The following KIAA0753 variants were observed in gnomAD, a reference collection of about 807,000 sequenced individuals.
The protein encoded by KIAA0753 is KIAA0753.
In KIAA0753, 114 loss-of-function variants were observed where a neutral mutation model predicts 116.9. The ratio of observed to expected loss-of-function variants is 0.98; its 90% CI spans 0.84 to 1.14. The LOEUF (loss-of-function observed/expected upper bound fraction) is 1.14. KIAA0753 is among the 50% of genes most tolerant of loss of function. KIAA0753 has a pLI of 0.00. For missense variants in KIAA0753, 1,156 were observed against 1,172.4 expected (o/e 0.99, Z 0.20); for synonymous variants, 405 against 413.1 (o/e 0.98, Z 0.24).
chr17:6,581,746 T>A (rs1968195003), intron 18 of KIAA0753, among the ~76,000 whole-genome samples: 1 of 152,274 alleles, frequency 6.6e-6, no homozygotes. Context: ...TCCATTACTA[T>A]TATTACATAT....
At chr17:6,609,275 C>T (rs1232273738) in intron 9 of KIAA0753, among the ~76,000 whole-genome samples, 1 of 152,242 alleles carries the variant, frequency 6.6e-6, no homozygotes, top group African/African-American at 2.4e-5. Flanking sequence ...TTACTTCTTT[C>T]CTTTTTCTGT....
chr17:6,595,563 C>T (rs943867841), intron 15 of KIAA0753, among the ~76,000 whole-genome samples: 3 of 152,106 alleles, frequency 2.0e-5, no homozygotes, highest in Admixed American at 6.5e-5. Flanking sequence ...AATCATGGTG[C>T]GATGGAAAAG....
chr17:6,593,754 C>T (rs1288301463), intron 16 of KIAA0753, among the ~76,000 whole-genome samples: 1 of 152,196 alleles, frequency 6.6e-6, no homozygotes, highest in East Asian at 1.9e-4. Flanking sequence ...CGTGGTGGCA[C>T]ACACCTGTAG....
At position 6,612,120 on chromosome 17, in the gene KIAA0753, C is replaced by G. The variant is rs758896036; in HGVS notation, c.1344G>C (p.Pro448=). The G allele has an allele frequency of 7.4e-6, 12 of 1,613,934 alleles. No individual in the cohort carries two copies. Among genetic ancestry groups the G allele is most frequent in the Non-Finnish European group, 1.0e-5 (12 of 1,179,948 alleles). Residue 448 remains proline (P), a synonymous_variant, in exon 8 of 19, where the codon CCG becomes CCC. Transcript: ENST00000361413. The part of the protein sequence containing the change: ...ADKYQPDTEL[P]ETQRLQSELD... ...GCTCACTCTGCAACCTCTGGGTCTC[C>G]GGAAGCTCCGTATCGGGCTGATACT...
Position 6,628,427 on chromosome 17 carries a change from C to T in KIAA0753, c.408G>A (p.Lys136=). The change falls in exon 3 of 19, where the codon AAG becomes AAA. Residue 136 remains lysine (K), a synonymous_variant. Coordinates refer to ENST00000361413, the MANE Select transcript of KIAA0753 (RefSeq NM_014804.3). ...PQSSQKCGHT[K]YKIPDHRVER... is the part of the protein sequence containing the mutation. ...CCACCCTGTGGTCGGGTATTTTATACTTAGTATGTCCACACTTCTGAGAGC... is the reference window on the plus strand; with the variant it reads ...CCACCCTGTGGTCGGGTATTTTATATTTAGTATGTCCACACTTCTGAGAGC... The T allele has an allele frequency of 6.2e-7, 1 of 1,614,184 alleles. No individual in the cohort carries two copies. Among genetic ancestry groups the T allele is most frequent in the South Asian group, 1.1e-5 (1 of 91,076 alleles).
At chr17:6,613,349 T>G (rs1970677621) in intron 7 of KIAA0753, among the ~76,000 whole-genome samples, 1 of 152,166 alleles carries the variant, frequency 6.6e-6, no homozygotes, top group Non-Finnish European at 1.5e-5. Flanking sequence ...TCCCCCAAAA[T>G]AATCCATAAT....
chr17:6,579,217 T>C lies in KIAA0753; in HGVS notation c.*530A>G, dbSNP rs1048995375. 6.6e-6 allele frequency: 1 copy of C among 152,312 alleles called. No individual in the cohort carries two copies. The highest frequency in any genetic ancestry group is 1.5e-5 in the Non-Finnish European group (1 of 68,170). The allele number at this position is 152,312 out of a possible 1,614,324, so 9.4% of individuals were successfully genotyped here. ...GAATAAACTGCAGCAGAGGAGAGGT[T>C]TGGCAGCACAGCCAGACTGTGCTCT... On this transcript the variant is annotated 3_prime_UTR_variant, in exon 19 of 19. Coordinates refer to ENST00000361413, the MANE Select transcript of KIAA0753 (RefSeq NM_014804.3).
At chr17:6,594,484 T>A (rs115861761) in intron 16 of KIAA0753, among the ~76,000 whole-genome samples, 39 of 152,338 alleles carry the variant, frequency 2.6e-4, no homozygotes, top group African/African-American at 9.1e-4. Flanking sequence ...ACCGTATGAC[T>A]GCATTTATAT....
At chr17:6,630,220 G>A (rs1971941582) in intron 2 of KIAA0753, among the ~76,000 whole-genome samples, 1 of 151,802 alleles carries the variant, frequency 6.6e-6, no homozygotes. Flanking sequence ...CAAAAAAGAG[G>A]TCCTTAAGTA....
Position 6,608,410 on chromosome 17 carries a change from G to T in KIAA0753, c.1767C>A (p.Leu589=), listed in dbSNP as rs1257442661. 1.3e-6 allele frequency: 2 copies of T among 1,566,114 alleles called. No individual in the cohort carries two copies. The highest frequency in any genetic ancestry group is 1.4e-5 in the African/African-American group (1 of 73,086). The change falls in exon 10 of 19, where the codon CTC becomes CTA. Residue 589 remains leucine, a synonymous_variant. Coordinates refer to ENST00000361413, the MANE Select transcript of KIAA0753 (RefSeq NM_014804.3). ...TTTCCTCTTGAGGATCTTCTTGCTGGAGAGGCTCTTTTGTGGCATCTCTGG... is the reference window on the plus strand; with the variant it reads ...TTTCCTCTTGAGGATCTTCTTGCTGTAGAGGCTCTTTTGTGGCATCTCTGG... ...TSPRDATKEP[L]QQEDPQEESH...
In KIAA0753 at chr17:6,590,558, C is replaced by A. The variant is rs765004531; in HGVS notation, c.2513G>T (p.Arg838Leu). 8 of 1,613,432 alleles carry A rather than the reference C, an allele frequency of 5.0e-6. No homozygotes were observed. Among genetic ancestry groups the A allele is most frequent in the Non-Finnish European group, 5.9e-6 (7 of 1,179,514 alleles). The change falls in exon 17 of 19, where the codon CGC (arginine) becomes CTC (leucine). Residue 838 changes from arginine (R) to leucine (L), a missense_variant. Coordinates refer to ENST00000361413, the MANE Select transcript of KIAA0753 (RefSeq NM_014804.3). ...HPIRITKTVD[R>L]KDPAVNIMLE... ...CATGATGTTCACGGCTGGATCCTTG[C>A]GATCCACTGTCTTCGTGATTCTGAT...
chr17:6,580,946 C>T (rs929298646), intron 18 of KIAA0753, among the ~76,000 whole-genome samples: 6 of 147,730 alleles, frequency 4.1e-5, no homozygotes, highest in Non-Finnish European at 5.9e-5. Flanking sequence ...ATTTTCTGAA[C>T]GGCGCAAGCT....
At chr17:6,619,541 C>T (rs2150873470) in intron 7 of KIAA0753, among the ~76,000 whole-genome samples, 1 of 152,180 alleles carries the variant, frequency 6.6e-6, no homozygotes, top group Non-Finnish European at 1.5e-5. Flanking sequence ...ATCCTCCTGC[C>T]TCAGCCTTCC....
chr17:6,624,885 CA>C, intron 3 of KIAA0753, 24 bp from the exon 4 acceptor site: 2 of 1,448,956 alleles, frequency 1.4e-6, no homozygotes, highest in Non-Finnish European at 1.9e-6. Context: ...TAGTTTTCCC[CA>C]AAAGTGGATT....
intron 7 of KIAA0753, among the ~76,000 whole-genome samples, chr17:6,612,652 G>A (rs182849962): frequency 1.3e-5 from 2 of 152,352 alleles, no homozygotes; most frequent in South Asian, 2.1e-4. Context: ...TGGATCACCT[G>A]AGGTCAGGAG....
intron 2 of KIAA0753, among the ~76,000 whole-genome samples, chr17:6,632,430 A>G (rs1657538042): frequency 6.6e-6 from 1 of 152,208 alleles, no homozygotes; most frequent in South Asian, 2.1e-4. Flanking sequence ...GAGCAGTGGG[A>G]AAGAGCCAGA....
intron 17 of KIAA0753, among the ~76,000 whole-genome samples, chr17:6,590,231 C>T (rs1339072031): frequency 2.0e-5 from 3 of 152,120 alleles, no homozygotes; most frequent in Admixed American, 6.5e-5. Flanking sequence ...TAAAGCAAAT[C>T]GTGCAGTAAA....
intron 7 of KIAA0753, among the ~76,000 whole-genome samples, chr17:6,613,114 A>C (rs1169268960): frequency 6.6e-6 from 1 of 152,178 alleles, no homozygotes; most frequent in Non-Finnish European, 1.5e-5. Context: ...GAATATAAGA[A>C]GACGAAAACA....
intron 16 of KIAA0753, among the ~76,000 whole-genome samples, chr17:6,591,104 GAAGA>G (rs1969033050): frequency 6.9e-6 from 1 of 143,886 alleles, no homozygotes; most frequent in East Asian, 2.0e-4. Flanking sequence ...AGAAGAAGAA[GAAGA>G]AAACACTCAC....
Sources: gnomAD v4.1 joint callset for allele counts (sites outside exome capture counted in the v4.1 genomes callset) on GRCh38, gnomAD v4.1.1 for gene constraint, MANE v1.5 for transcripts, NCBI Gene and HGNC (gene_info 2026-07-23, HGNC 2026-07-21) for gene names.